The following KALRN variants were observed in gnomAD, a reference collection of about 807,000 sequenced individuals.
KALRN encodes kalirin.
In KALRN, 70 loss-of-function variants were observed where a neutral mutation model predicts 353.7. The observed-to-expected ratio is 0.20, with a 90% CI of 0.16 to 0.24. KALRN has a LOEUF of 0.24. Ranked by LOEUF, KALRN falls within the 10% of genes least tolerant of loss-of-function variation. The probability of loss-of-function intolerance (pLI) is 1.00; values close to 1 mark genes in which losing one functional copy is unlikely to be tolerated. For synonymous variants in KALRN, 1,391 were observed against 1,434.8 expected (o/e 0.97, Z 0.69); for missense variants, 2,791 against 3,756.7 (o/e 0.74, Z 6.72).
intron 45 of KALRN, among the ~76,000 whole-genome samples, chr3:124,664,354 T>C (rs2085280387): frequency 1.7e-5 from 2 of 120,182 alleles, no homozygotes; most frequent in Non-Finnish European, 3.4e-5. Flanking sequence ...TGTGTGTGTG[T>C]GTGTGTGTGT....
intron 12 of KALRN, among the ~76,000 whole-genome samples, chr3:124,395,902 A>T (rs2090101947): frequency 6.6e-6 from 1 of 152,204 alleles, no homozygotes; most frequent in African/African-American, 2.4e-5. Context: ...GCATCAACCT[A>T]AACAAACATA....
At position 124,209,961 on chromosome 3, in the gene KALRN, C is replaced by A. The variant is rs189340114; in HGVS notation, c.74-18029C>A. On this transcript the variant is annotated intron_variant, in intron 1 of 59. Coordinates refer to ENST00000682506, the MANE Select transcript of KALRN (RefSeq NM_001388419.1). Reference sequence around the variant, plus strand: ...TCAGTCTTACCACCATGAAATAACTCATTTTCATTTGGTATCAGATGCTCC... The same window carrying A: ...TCAGTCTTACCACCATGAAATAACTAATTTTCATTTGGTATCAGATGCTCC... Among the ~76,000 whole-genome samples the A allele has an allele frequency of 1.9e-3, 293 of 152,284 alleles. 1 individual carries two copies. The highest frequency in any genetic ancestry group is 7.0e-3 in the African/African-American group (291 of 41,562).
chr3:124,273,512 A>T (rs554142389), intron 5 of KALRN, among the ~76,000 whole-genome samples: 1 of 152,232 alleles, frequency 6.6e-6, no homozygotes, highest in Non-Finnish European at 1.5e-5. Flanking sequence ...CATATTTAAC[A>T]TATATGATCT....
intron 1 of KALRN, among the ~76,000 whole-genome samples, chr3:124,150,079 G>T (rs58843819): frequency 0.038 from 5,729 of 152,272 alleles, 379 homozygotes; most frequent in African/African-American, 0.13. Flanking sequence ...ACTGTGTCTT[G>T]CTCAGCTTAA....
intron 25 of KALRN, among the ~76,000 whole-genome samples, chr3:124,465,104 A>G (rs1229587761): frequency 6.6e-6 from 1 of 152,158 alleles, no homozygotes; most frequent in African/African-American, 2.4e-5. Flanking sequence ...AATATCTAAG[A>G]AAATCAAGCT....
intron 1 of KALRN, among the ~76,000 whole-genome samples, chr3:124,045,207 G>C (rs2040369940): frequency 6.6e-6 from 1 of 152,018 alleles, no homozygotes; most frequent in Non-Finnish European, 1.5e-5. Context: ...TGGGCTCCTG[G>C]GGGATTCTTG....
At chr3:124,366,708 T>A (rs1349006909) in intron 10 of KALRN, among the ~76,000 whole-genome samples, 5 of 152,074 alleles carry the variant, frequency 3.3e-5, no homozygotes, top group Admixed American at 1.3e-4. Flanking sequence ...CCGTTCTCAA[T>A]GAGCTGTTGG....
chr3:124,214,745 T>A (rs1039528458), intron 1 of KALRN, among the ~76,000 whole-genome samples: 3 of 152,248 alleles, frequency 2.0e-5, no homozygotes, highest in Admixed American at 1.3e-4. Flanking sequence ...ACCACTTTCC[T>A]GTGCCTTCAC....
At chr3:124,370,285 A>G (rs929639527) in intron 10 of KALRN, among the ~76,000 whole-genome samples, 1 of 152,148 alleles carries the variant, frequency 6.6e-6, no homozygotes, top group African/African-American at 2.4e-5. Flanking sequence ...CAGGACTGTA[A>G]CGTGGATATC....
At chr3:124,402,484 T>C (rs1215978914) in intron 13 of KALRN, among the ~76,000 whole-genome samples, 2 of 152,360 alleles carry the variant, frequency 1.3e-5, no homozygotes, top group South Asian at 2.1e-4. Flanking sequence ...TACAAATGTT[T>C]ATTTTGTGAT....
chr3:124,480,691 A>G (rs2061895407), intron 27 of KALRN, among the ~76,000 whole-genome samples: 1 of 152,142 alleles, frequency 6.6e-6, no homozygotes, highest in Non-Finnish European at 1.5e-5. Context: ...TCCTTTAGCC[A>G]TCACCCCCCA....
intron 1 of KALRN, among the ~76,000 whole-genome samples, chr3:124,226,659 C>A (rs1304895891): frequency 6.6e-6 from 1 of 152,168 alleles, no homozygotes; most frequent in Non-Finnish European, 1.5e-5. Flanking sequence ...GTGCAGTTGG[C>A]CCACTTCACT....
intron 1 of KALRN, among the ~76,000 whole-genome samples, chr3:124,186,046 A>G (rs1357742274): frequency 6.6e-6 from 1 of 152,170 alleles, no homozygotes; most frequent in Non-Finnish European, 1.5e-5. Flanking sequence ...GTGAGCTGGA[A>G]TCAGGTTACC....
chr3:124,129,288 GT>G (rs1233601252), intron 1 of KALRN, among the ~76,000 whole-genome samples: 1 of 152,094 alleles, frequency 6.6e-6, no homozygotes, highest in Non-Finnish European at 1.5e-5. Context: ...TCTTCCTACT[GT>G]TGTCTTTTGC....
intron 29 of KALRN, among the ~76,000 whole-genome samples, chr3:124,490,416 G>A: frequency 6.6e-6 from 1 of 152,122 alleles, no homozygotes; most frequent in Non-Finnish European, 1.5e-5. Context: ...GGTGTGTGAA[G>A]GTGTGAGGTT....
intron 44 of KALRN, 96 bp from the exon 45 acceptor site, chr3:124,661,755 C>G (rs774117264): frequency 9.5e-5 from 88 of 921,636 alleles, no homozygotes; most frequent in Non-Finnish European, 1.4e-4. Context: ...AAGGAGCCAC[C>G]AGAGATGAAG....
At chr3:124,680,321 C>T (rs1378367251) in intron 51 of KALRN, among the ~76,000 whole-genome samples, 1 of 152,388 alleles carries the variant, frequency 6.6e-6, no homozygotes, top group East Asian at 1.9e-4. Context: ...AACTCCCAGT[C>T]TGTTGGGTTA....
chr3:124,423,079 GC>G (rs2092854113), intron 15 of KALRN, 101 bp downstream of exon 15: 1 of 1,077,138 alleles, frequency 9.3e-7, no homozygotes, highest in Non-Finnish European at 1.3e-6. Context: ...AGCCACAGGT[GC>G]CCCTTTAAGT....
At chr3:124,134,725 A>G (rs949739083) in intron 1 of KALRN, among the ~76,000 whole-genome samples, 3 of 152,252 alleles carry the variant, frequency 2.0e-5, no homozygotes, top group African/African-American at 7.2e-5. Flanking sequence ...GGACATGAAT[A>G]GACGATTCTC....
Sources: gnomAD v4.1 joint callset for allele counts (sites outside exome capture counted in the v4.1 genomes callset) on GRCh38, gnomAD v4.1.1 for gene constraint, MANE v1.5 for transcripts, NCBI Gene and HGNC (gene_info 2026-07-23, HGNC 2026-07-21) for gene names.